Variants in FNDC3B observed in about 807,000 individuals in gnomAD.
FNDC3B encodes the protein fibronectin type III domain containing 3B, also known as fibronectin type III domain-containing protein 3B.
Under a neutral mutation model 151.5 loss-of-function variants are expected in FNDC3B, and 12 were observed. That is an observed-to-expected ratio of 0.08 (90% CI 0.05 to 0.13). The LOEUF is 0.13. FNDC3B is among the 10% of genes least tolerant of loss of function. FNDC3B has a pLI of 1.00. For synonymous variants in FNDC3B, 528 were observed against 549.0 expected (o/e 0.96, Z 0.54); for missense variants, 1,214 against 1,505.3 (o/e 0.81, Z 3.20).
chr3:172,073,833 A>G (rs1717890087), intron 1 of FNDC3B, among the ~76,000 whole-genome samples: 2 of 152,032 alleles, frequency 1.3e-5, no homozygotes, highest in Admixed American at 6.6e-5. Flanking sequence ...GCGTAAGTTT[A>G]CTACCTGACC....
chr3:172,386,555 A>T (rs1047490228), intron 25 of FNDC3B, among the ~76,000 whole-genome samples: 4 of 152,254 alleles, frequency 2.6e-5, no homozygotes, highest in East Asian at 3.9e-4. Flanking sequence ...ATCCTGGCTA[A>T]CACAGTGAAA....
intron 1 of FNDC3B, among the ~76,000 whole-genome samples, chr3:172,110,676 CCA>C (rs1719913111): frequency 6.6e-6 from 1 of 151,928 alleles, no homozygotes; most frequent in South Asian, 2.1e-4. Context: ...GACAACAGAG[CCA>C]CAGTCTGCAC....
intron 25 of FNDC3B, among the ~76,000 whole-genome samples, chr3:172,390,989 C>T (rs898024778): frequency 1.3e-5 from 2 of 152,008 alleles, no homozygotes; most frequent in Non-Finnish European, 2.9e-5. Flanking sequence ...AACCTGGACC[C>T]GGTGTCACAC....
chr3:172,257,602 A>T (rs201293308), intron 6 of FNDC3B, among the ~76,000 whole-genome samples: 1 of 143,530 alleles, frequency 7.0e-6, no homozygotes, highest in African/African-American at 2.6e-5. Flanking sequence ...ACACACACAC[A>T]CACACACGCA....
At chr3:172,095,469 C>T (rs1037069081) in intron 1 of FNDC3B, among the ~76,000 whole-genome samples, 8 of 152,216 alleles carry the variant, frequency 5.3e-5, no homozygotes, top group African/African-American at 1.9e-4. Flanking sequence ...AGAGCTATAG[C>T]ACAGCTTTAG....
At chr3:172,374,143 C>T (rs1735009777) in intron 23 of FNDC3B, among the ~76,000 whole-genome samples, 1 of 152,182 alleles carries the variant, frequency 6.6e-6, no homozygotes, top group South Asian at 2.1e-4. Context: ...GAGTAAACAG[C>T]CTCACAGATG....
intron 3 of FNDC3B, among the ~76,000 whole-genome samples, chr3:172,146,793 C>G (rs73167222): frequency 1.6e-3 from 238 of 152,268 alleles, no homozygotes; most frequent in Middle Eastern, 0.01. Flanking sequence ...ATTAAAATTG[C>G]TTTTTAGCTT....
At chr3:172,045,119 A>G (rs961471950) in intron 1 of FNDC3B, among the ~76,000 whole-genome samples, 1 of 152,234 alleles carries the variant, frequency 6.6e-6, no homozygotes, top group Non-Finnish European at 1.5e-5. Flanking sequence ...ATTATATTCC[A>G]GAGTTTAAAA....
chr3:172,344,733 C>T (rs1733521265), intron 19 of FNDC3B, among the ~76,000 whole-genome samples: 1 of 152,208 alleles, frequency 6.6e-6, no homozygotes, highest in Admixed American at 6.5e-5. Flanking sequence ...AACTACAGGA[C>T]TCTCTCCTTC....
intron 1 of FNDC3B, among the ~76,000 whole-genome samples, chr3:172,055,581 T>C (rs58017420): frequency 0.093 from 14,209 of 152,160 alleles, 826 homozygotes; most frequent in East Asian, 0.21. Flanking sequence ...AGGATTCAAA[T>C]AAATGTCTCT....
At chr3:172,125,283 C>T (rs1720757550) in intron 2 of FNDC3B, among the ~76,000 whole-genome samples, 1 of 152,156 alleles carries the variant, frequency 6.6e-6, no homozygotes, top group South Asian at 2.1e-4. Flanking sequence ...GGAGGTCAGG[C>T]TTGTGTTTGC....
At chr3:172,294,896 C>T (rs1211813292) in intron 7 of FNDC3B, among the ~76,000 whole-genome samples, 1 of 152,184 alleles carries the variant, frequency 6.6e-6, no homozygotes, top group African/African-American at 2.4e-5. Flanking sequence ...CAGCCTGGTC[C>T]TTGGTTCCAG....
chr3:172,190,036 C>A (rs1410284925), intron 3 of FNDC3B, among the ~76,000 whole-genome samples: 1 of 152,140 alleles, frequency 6.6e-6, no homozygotes, highest in Non-Finnish European at 1.5e-5. Flanking sequence ...ACAGAACTAG[C>A]AAGAGCAGGA....
intron 17 of FNDC3B, among the ~76,000 whole-genome samples, chr3:172,342,038 G>T (rs1560089477): frequency 6.6e-6 from 1 of 152,254 alleles, no homozygotes; most frequent in Non-Finnish European, 1.5e-5. Context: ...TAAAATGAAA[G>T]AGAAGGAGAG....
chr3:172,334,912 A>G (rs369319561), intron 14 of FNDC3B, 32 bp from the exon 15 acceptor site: 8 of 1,596,574 alleles, frequency 5.0e-6, no homozygotes, highest in Non-Finnish European at 6.8e-6. Flanking sequence ...TGATAACTAA[A>G]TCATGTTAAC....
intron 11 of FNDC3B, among the ~76,000 whole-genome samples, chr3:172,324,942 C>T (rs910108291): frequency 1.3e-5 from 2 of 152,256 alleles, no homozygotes; most frequent in East Asian, 1.9e-4. Context: ...CGCAGAGAAG[C>T]GGAGTGCAGC....
intron 6 of FNDC3B, among the ~76,000 whole-genome samples, chr3:172,252,412 A>T (rs1312774358): frequency 6.6e-6 from 1 of 151,866 alleles, no homozygotes; most frequent in Non-Finnish European, 1.5e-5. Flanking sequence ...TTCATTCACA[A>T]TCACATTCTC....
At chr3:172,335,190 T>C (rs1413765168) in intron 15 of FNDC3B, 108 bp downstream of exon 15, 12 of 1,161,038 alleles carry the variant, frequency 1.0e-5, no homozygotes, top group Non-Finnish European at 1.4e-5. Context: ...GTGGATGGTA[T>C]TTGCAGAAGT....
At chr3:172,381,718 G>A (rs1263618298) in intron 25 of FNDC3B, among the ~76,000 whole-genome samples, 1 of 151,994 alleles carries the variant, frequency 6.6e-6, no homozygotes, top group East Asian at 1.9e-4. Flanking sequence ...AGAACCTGCG[G>A]TGTTTGGTTT....
Sources: gnomAD v4.1 joint callset for allele counts (sites outside exome capture counted in the v4.1 genomes callset) on GRCh38, gnomAD v4.1.1 for gene constraint, MANE v1.5 for transcripts, NCBI Gene and HGNC (gene_info 2026-07-23, HGNC 2026-07-21) for gene names.